FCHSD2: variants seen among roughly 807,000 people sequenced by gnomAD.
The protein encoded by FCHSD2 is F-BAR and double SH3 domains protein 2.
In FCHSD2, 38 loss-of-function variants were observed where a neutral mutation model predicts 108.1. The observed-to-expected ratio is 0.35, with a 90% CI of 0.27 to 0.46. The LOEUF is 0.46. Ranked by LOEUF, FCHSD2 falls within the 20% of genes least tolerant of loss-of-function variation. FCHSD2 has a pLI of 1.00. For missense variants in FCHSD2, 751 were observed against 897.8 expected (o/e 0.84, Z 2.09); for synonymous variants, 279 against 314.7 (o/e 0.89, Z 1.20).
At position 72,890,672 on chromosome 11, in the gene FCHSD2, C is replaced by CT. The variant is rs750371941; in HGVS notation, c.925-728dup. ...GTACTATGGAAAGTGCTTCATATAACTTTTTTTTTTTTTAACAACCTGATG... is the reference window on the plus strand; with the variant it reads ...GTACTATGGAAAGTGCTTCATATAACTTTTTTTTTTTTTTAACAACCTGATG... On this transcript the variant is annotated intron_variant, in intron 10 of 19. Coordinates refer to ENST00000409418, the MANE Select transcript of FCHSD2 (RefSeq NM_014824.3). Among the ~76,000 whole-genome samples, 707 of 145,472 alleles carry CT rather than the reference C, an allele frequency of 4.9e-3. 4 individuals are homozygous for CT. Among genetic ancestry groups the CT allele is most frequent in the Middle Eastern group, 0.014 (4 of 278 alleles).
At chr11:72,980,010 T>C (rs1246943986) in intron 8 of FCHSD2, among the ~76,000 whole-genome samples, 4 of 152,150 alleles carry the variant, frequency 2.6e-5, no homozygotes, top group Non-Finnish European at 5.9e-5. Flanking sequence ...CAGGAGGGGA[T>C]GAGATATAAT....
At chr11:72,864,259 T>C (rs896587394) in intron 13 of FCHSD2, among the ~76,000 whole-genome samples, 5 of 152,036 alleles carry the variant, frequency 3.3e-5, no homozygotes, top group African/African-American at 1.2e-4. Flanking sequence ...AAATAAAAGA[T>C]TAGAAAAAAT....
At chr11:72,898,717 C>T (rs994117191) in intron 10 of FCHSD2, among the ~76,000 whole-genome samples, 1 of 134,880 alleles carries the variant, frequency 7.4e-6, no homozygotes, top group African/African-American at 2.8e-5. Flanking sequence ...AAGCAAATTG[C>T]TTTTCTTTCT....
intron 3 of FCHSD2, among the ~76,000 whole-genome samples, chr11:73,063,881 T>A (rs1167703041): frequency 6.6e-6 from 1 of 152,038 alleles, no homozygotes; most frequent in African/African-American, 2.4e-5. Flanking sequence ...AACAGATTAA[T>A]GAGACAGAAA....
chr11:72,995,876 C>A (rs1857511379), intron 5 of FCHSD2, among the ~76,000 whole-genome samples: 1 of 152,046 alleles, frequency 6.6e-6, no homozygotes, highest in South Asian at 2.1e-4. Flanking sequence ...TAATAATGCC[C>A]TAGAAATTTA....
intron 3 of FCHSD2, among the ~76,000 whole-genome samples, chr11:73,030,933 TCTG>T (rs1236753838): frequency 1.3e-5 from 2 of 152,090 alleles, no homozygotes; most frequent in African/African-American, 4.8e-5. Flanking sequence ...GTCCTGAATT[TCTG>T]CTATTTTTTA....
rs140262262 is a variant in FCHSD2, at chr11:72,969,327, T to C, written c.705+14761A>G. 1.8e-4 allele frequency among the ~76,000 whole-genome samples: 28 copies of C among 152,372 alleles called. No homozygotes were observed. In the East Asian group the frequency reaches 5.2e-3, roughly 28 times the overall value. On this transcript the variant is annotated intron_variant, in intron 8 of 19. Coordinates refer to ENST00000409418, the MANE Select transcript of FCHSD2 (RefSeq NM_014824.3). ...TTTAATTTAATTTGGCTTTAAGTTA[T>C]TTATATCAGGAATAAAAATCGGATT...
chr11:73,069,895 G>T (rs1859392448), intron 3 of FCHSD2, among the ~76,000 whole-genome samples: 1 of 151,998 alleles, frequency 6.6e-6, no homozygotes, highest in Non-Finnish European at 1.5e-5. Flanking sequence ...TCACTTATCA[G>T]ATTATATATA....
rs182098294 is a variant in FCHSD2 at position 73,118,861 on chromosome 11, T to C, written c.119+21170A>G. 1.6e-3 allele frequency among the ~76,000 whole-genome samples: 241 copies of C among 152,292 alleles called. 3 individuals are homozygous for C. The highest frequency in any genetic ancestry group is 0.013 in the Admixed American group (199 of 15,286). ...CACATAAGTAACTTACCCAAGGTCA[T>C]ACAACTAGGGGAAAACCACATTTGG... On this transcript the variant is annotated intron_variant, in intron 2 of 19. Coordinates refer to ENST00000409418, the MANE Select transcript of FCHSD2 (RefSeq NM_014824.3).
intron 3 of FCHSD2, among the ~76,000 whole-genome samples, chr11:73,020,613 TAAAGG>T (rs1046890424): frequency 6.6e-6 from 1 of 152,090 alleles, no homozygotes; most frequent in African/African-American, 2.4e-5. Flanking sequence ...ACTCCCATCC[TAAAGG>T]AAAGTTTTAA....
chr11:72,900,675 T>TAAA (rs61105502), intron 10 of FCHSD2, among the ~76,000 whole-genome samples: 172 of 148,306 alleles, frequency 1.2e-3, no homozygotes, highest in South Asian at 3.2e-3. Flanking sequence ...CTGATTTGAT[T>TAAA]AAAAAAAAAA....
In FCHSD2 at chr11:72,850,057, G is replaced by GT. The variant is rs10579880; in HGVS notation, c.1309-169dup. On this transcript the variant is annotated intron_variant, in intron 13 of 19. Coordinates refer to ENST00000409418, the MANE Select transcript of FCHSD2 (RefSeq NM_014824.3). ...ATTTTTCATGTTATGAAAGAATAGA[G>GT]TTTTTTTTTTTTTTTTTTTTTTTGA... is the stretch of plus-strand genomic sequence containing the variant. Among the ~76,000 whole-genome samples, 75 of 85,492 alleles carry GT rather than the reference G, an allele frequency of 8.8e-4. 2 individuals carry two copies. The highest frequency in any genetic ancestry group is 3.3e-3 in the African/African-American group (71 of 21,270). 56.1% of individuals were successfully genotyped at this position (85,492 alleles called of 152,430 possible).
chr11:73,020,767 AAT>A (rs1242053620), intron 3 of FCHSD2, among the ~76,000 whole-genome samples: 1 of 151,980 alleles, frequency 6.6e-6, no homozygotes, highest in African/African-American at 2.4e-5. Context: ...CTCATATAAT[AAT>A]ATGTTCTATA....
intron 13 of FCHSD2, among the ~76,000 whole-genome samples, chr11:72,862,694 A>C: frequency 6.6e-6 from 1 of 152,244 alleles, no homozygotes. Context: ...CCTAATAAAA[A>C]TCCTGATAGG....
chr11:73,033,273 G>A (rs1457332526), intron 3 of FCHSD2, among the ~76,000 whole-genome samples: 1 of 148,024 alleles, frequency 6.8e-6, no homozygotes, highest in Non-Finnish European at 1.5e-5. Context: ...GGGCAACAGA[G>A]CGAGATTCCG....
chr11:72,908,674 ATTTTT>A (rs1855685239), intron 9 of FCHSD2, among the ~76,000 whole-genome samples: 1 of 152,034 alleles, frequency 6.6e-6, no homozygotes, highest in South Asian at 2.1e-4. Context: ...TCTGCCACTT[ATTTTT>A]ATCATTATTT....
At chr11:73,009,926 G>A (rs1471337529) in intron 4 of FCHSD2, among the ~76,000 whole-genome samples, 2 of 152,280 alleles carry the variant, frequency 1.3e-5, no homozygotes, top group East Asian at 1.9e-4. Context: ...AGAGCCTCCA[G>A]TATCTGGATG....
chr11:73,032,186 G>T (rs1858376483), intron 3 of FCHSD2, among the ~76,000 whole-genome samples: 1 of 152,090 alleles, frequency 6.6e-6, no homozygotes, highest in African/African-American at 2.4e-5. Context: ...AGGTTCAAAA[G>T]TAAGAGCTTT....
chr11:72,983,212 T>C (rs1857248392), intron 8 of FCHSD2, among the ~76,000 whole-genome samples: 1 of 149,760 alleles, frequency 6.7e-6, no homozygotes, highest in Non-Finnish European at 1.5e-5. Context: ...GAGAATGGCG[T>C]GAACCCGGGA....
Sources: gnomAD v4.1 joint callset for allele counts (sites outside exome capture counted in the v4.1 genomes callset) on GRCh38, gnomAD v4.1.1 for gene constraint, MANE v1.5 for transcripts, NCBI Gene and HGNC (gene_info 2026-07-23, HGNC 2026-07-21) for gene names.